The following EHD4 variants were observed in gnomAD, a reference collection of about 807,000 sequenced individuals.
EHD4 encodes the protein EH domain-containing protein 4.
A neutral mutation model predicts 51.0 loss-of-function variants in EHD4; 37 were observed. That is an observed-to-expected ratio of 0.73 (90% confidence interval 0.56 to 0.95). The LOEUF (loss-of-function observed/expected upper bound fraction) is 0.95. Ranked by LOEUF, EHD4 falls within the 40% of genes least tolerant of loss-of-function variation. EHD4 has a pLI of 0.00. For missense variants in EHD4, 632 were observed against 733.1 expected (o/e 0.86, Z 1.59); for synonymous variants, 297 against 317.3 (o/e 0.94, Z 0.68).
At chr15:41,902,302 C>T (rs2067482924) in intron 5 of EHD4, among the ~76,000 whole-genome samples, 1 of 150,370 alleles carries the variant, frequency 6.7e-6, no homozygotes, top group Non-Finnish European at 1.5e-5. Flanking sequence ...CAACAACCCA[C>T]CTGTCCAACT....
chr15:41,906,707 C>A (rs1319300827), intron 5 of EHD4, among the ~76,000 whole-genome samples: 1 of 152,224 alleles, frequency 6.6e-6, no homozygotes, highest in Non-Finnish European at 1.5e-5. Context: ...ACTGTAGCAC[C>A]CCCTCTGGGG....
chr15:41,969,359 C>G (rs2067981789), intron 1 of EHD4, among the ~76,000 whole-genome samples: 1 of 152,114 alleles, frequency 6.6e-6, no homozygotes, highest in Non-Finnish European at 1.5e-5. Flanking sequence ...CCAGCCTGAC[C>G]AACATGGAAA....
At chr15:41,908,042 T>C (rs2140983763) in intron 5 of EHD4, among the ~76,000 whole-genome samples, 1 of 152,150 alleles carries the variant, frequency 6.6e-6, no homozygotes. Context: ...ATTTTTGTAT[T>C]TTTAGTAGAG....
intron 1 of EHD4, among the ~76,000 whole-genome samples, chr15:41,971,660 G>T (rs1219067778): frequency 6.6e-6 from 1 of 152,136 alleles, no homozygotes; most frequent in Non-Finnish European, 1.5e-5. Context: ...AGGCTGGTGC[G>T]GCTGCTACAC....
chr15:41,941,739 T>G (rs1023951351), intron 3 of EHD4: 1 of 152,150 alleles, frequency 6.6e-6, no homozygotes, highest in Non-Finnish European at 1.5e-5. Context: ...CCGAGCTCTC[T>G]GCGGGACCAC....
At chr15:41,937,434 C>T (rs4924589) in intron 3 of EHD4, among the ~76,000 whole-genome samples, 68,622 of 152,058 alleles carry the variant, frequency 0.45, 16,487 homozygotes, top group East Asian at 0.57. Flanking sequence ...TTTGTCTGCA[C>T]GCTGGCCTAC....
At chr15:41,915,420 G>C (rs1345775609) in intron 4 of EHD4, among the ~76,000 whole-genome samples, 1 of 152,212 alleles carries the variant, frequency 6.6e-6, no homozygotes, top group Non-Finnish European at 1.5e-5. Flanking sequence ...ATGTGACTGA[G>C]AAGAGTCTAC....
intron 2 of EHD4, among the ~76,000 whole-genome samples, chr15:41,948,381 C>T (rs1263826429): frequency 6.6e-6 from 1 of 152,116 alleles, no homozygotes; most frequent in Non-Finnish European, 1.5e-5. Flanking sequence ...TGGTCTCAAA[C>T]TCCTGAGCTC....
intron 3 of EHD4, chr15:41,941,582 G>A (rs1343497595): frequency 7.0e-6 from 1 of 141,968 alleles, no homozygotes; most frequent in Non-Finnish European, 1.5e-5. Context: ...GTTTTTTGGT[G>A]TTTTTTTTTT....
At chr15:41,939,765 C>T (rs1251801990) in intron 3 of EHD4, among the ~76,000 whole-genome samples, 1 of 127,248 alleles carries the variant, frequency 7.9e-6, no homozygotes, top group Non-Finnish European at 1.6e-5. Flanking sequence ...TGCACTCCAG[C>T]TTTGGTGACA....
At chr15:41,956,849 C>G (rs2141006476) in intron 1 of EHD4, among the ~76,000 whole-genome samples, 1 of 152,302 alleles carries the variant, frequency 6.6e-6, no homozygotes, top group East Asian at 1.9e-4. Flanking sequence ...AGTTAACATT[C>G]AGTGTTCAAT....
At chr15:41,935,144 C>T (rs922939487) in intron 3 of EHD4, among the ~76,000 whole-genome samples, 2 of 152,208 alleles carry the variant, frequency 1.3e-5, no homozygotes, top group African/African-American at 4.8e-5. Context: ...AGCTCTTCCC[C>T]CAACTCTCTG....
chr15:41,909,109 C>T (rs1161013323), intron 5 of EHD4, among the ~76,000 whole-genome samples: 1 of 152,234 alleles, frequency 6.6e-6, no homozygotes, highest in African/African-American at 2.4e-5. Context: ...CGGCTGAATG[C>T]AGCACCCATT....
At chr15:41,915,594 T>C (rs1271893884) in intron 4 of EHD4, among the ~76,000 whole-genome samples, 1 of 152,248 alleles carries the variant, frequency 6.6e-6, no homozygotes, top group Non-Finnish European at 1.5e-5. Context: ...TCTTGGGCAA[T>C]ACGCTTCTAA....
chr15:41,958,517 T>A (rs191002150), intron 1 of EHD4, among the ~76,000 whole-genome samples: 8 of 152,250 alleles, frequency 5.3e-5, no homozygotes, highest in African/African-American at 1.9e-4. Context: ...TTTTCATTGC[T>A]TAGGCTAGAA....
At chr15:41,921,196 T>C (rs982156889) in intron 3 of EHD4, among the ~76,000 whole-genome samples, 5 of 152,162 alleles carry the variant, frequency 3.3e-5, no homozygotes, top group African/African-American at 4.8e-5. Context: ...GAGTGTGGTG[T>C]TTATGCCGCC....
At chr15:41,950,158 T>C (rs1007064351) in intron 2 of EHD4, among the ~76,000 whole-genome samples, 3 of 152,224 alleles carry the variant, frequency 2.0e-5, no homozygotes, top group Non-Finnish European at 4.4e-5. Context: ...TTTAGGAATT[T>C]ATCTTCATTT....
rs1190002765 is a variant in EHD4 at position 41,899,499 on chromosome 15, C to A, written c.*1146G>T. 2 of 151,008 alleles carry A rather than the reference C, an allele frequency of 1.3e-5. No homozygotes were observed. The highest frequency in any genetic ancestry group is 6.6e-5 in the Admixed American group (1 of 15,214). 9.4% of individuals were successfully genotyped at this position (151,008 alleles called of 1,614,324 possible). A position where few individuals can be genotyped will look rare whatever the true frequency, so the allele number is the denominator to read the frequency against. On this transcript the variant is annotated 3_prime_UTR_variant, in exon 6 of 6. Coordinates refer to ENST00000220325, the MANE Select transcript of EHD4 (RefSeq NM_139265.4). The stretch of plus-strand genomic sequence containing the variant: ...TTGTTTCTGTATAAAGGCTTTTATC[C>A]TGTAAGGAAAAAAAAAAAACACAAA...
chr15:41,921,332 C>T (rs566164171), intron 3 of EHD4: 4 of 152,336 alleles, frequency 2.6e-5, no homozygotes, highest in African/African-American at 7.2e-5. Context: ...AGTTTATTTT[C>T]ATTGCTGTCA....
Sources: allele counts gnomAD v4.1 joint callset (sites outside exome capture counted in the v4.1 genomes callset), GRCh38; gene constraint gnomAD v4.1.1; transcripts MANE v1.5; gene names NCBI Gene and HGNC (gene_info 2026-07-23, HGNC 2026-07-21).